The following LIPI variants were observed in gnomAD, a reference collection of about 807,000 sequenced individuals.
LIPI encodes lipase member I.
A neutral mutation model predicts 50.6 loss-of-function variants in LIPI; 59 were observed. The ratio of observed to expected loss-of-function variants is 1.16; its 90% CI spans 0.94 to 1.45. The LOEUF is 1.45. LIPI is among the 40% of genes most tolerant of loss of function. LIPI has a pLI of 0.00. For synonymous variants in LIPI, 203 were observed against 178.2 expected, an observed-to-expected ratio of 1.14 and a Z score of -1.11; for missense variants, 586 against 536.3, an observed-to-expected ratio of 1.09 and a Z score of -0.92.
chr21:14,187,295 T>C (rs569125629), intron 2 of LIPI, among the ~76,000 whole-genome samples: 29 of 152,146 alleles, frequency 1.9e-4, no homozygotes, highest in Non-Finnish European at 3.7e-4. Flanking sequence ...GGACAGATCA[T>C]GGTCCAGCCC....
intron 1 of LIPI, among the ~76,000 whole-genome samples, chr21:14,203,414 G>A (rs1264730650): frequency 1.6e-4 from 24 of 152,092 alleles, no homozygotes; most frequent in Non-Finnish European, 2.9e-4. Context: ...ATTCACAATA[G>A]CAAAGACTTG....
chr21:14,132,322 T>G (rs542669988), intron 9 of LIPI, among the ~76,000 whole-genome samples: 2 of 152,178 alleles, frequency 1.3e-5, no homozygotes, highest in African/African-American at 4.8e-5. Flanking sequence ...GAAATGTATC[T>G]AGTCACCTAT....
chr21:14,165,074 G>A, intron 6 of LIPI, 149 bp downstream of exon 6: 1 of 634,692 alleles, frequency 1.6e-6, no homozygotes, highest in South Asian at 1.8e-5. Flanking sequence ...TATTTACTCT[G>A]TACCACATCT....
At chr21:14,189,503 G>A in intron 1 of LIPI, 84 bp from the exon 2 acceptor site, 2 of 1,200,724 alleles carry the variant, frequency 1.7e-6, no homozygotes, top group Admixed American at 2.0e-5. Flanking sequence ...AATTAAATGT[G>A]GAGGGTAGGG....
chr21:14,170,747 C>T (rs974166396), intron 4 of LIPI, among the ~76,000 whole-genome samples: 1 of 151,194 alleles, frequency 6.6e-6, no homozygotes, highest in Admixed American at 6.6e-5. Context: ...GACAAACCCA[C>T]AGCCAATATC....
chr21:14,136,503 G>T (rs772957277), intron 9 of LIPI, among the ~76,000 whole-genome samples: 20 of 152,196 alleles, frequency 1.3e-4, no homozygotes, highest in Admixed American at 2.6e-4. Context: ...GGAGGGAAGA[G>T]GGGGAATGAC....
At chr21:14,148,724 C>A (rs1340294051) in intron 8 of LIPI, among the ~76,000 whole-genome samples, 1 of 152,138 alleles carries the variant, frequency 6.6e-6, no homozygotes, top group South Asian at 2.1e-4. Context: ...ACAGAATCAC[C>A]TAAATATGCA....
intron 9 of LIPI, among the ~76,000 whole-genome samples, chr21:14,123,984 A>G (rs546911011): frequency 2.0e-4 from 31 of 152,204 alleles, no homozygotes; most frequent in Non-Finnish European, 2.9e-4. Context: ...AGGTTGGCCC[A>G]TGTCCCAGTC....
chr21:14,198,594 C>T (rs768067386), intron 1 of LIPI, among the ~76,000 whole-genome samples: 17 of 152,104 alleles, frequency 1.1e-4, no homozygotes, highest in Non-Finnish European at 1.8e-4. Context: ...GTACCCAACA[C>T]AGGAGCACCC....
intron 4 of LIPI, among the ~76,000 whole-genome samples, chr21:14,172,189 A>G (rs2018937617): frequency 6.6e-6 from 1 of 150,738 alleles, no homozygotes; most frequent in African/African-American, 2.4e-5. Flanking sequence ...ACCAGTTAGA[A>G]TGGCAATCAT....
At chr21:14,186,742 G>C (rs902979249) in intron 2 of LIPI, among the ~76,000 whole-genome samples, 4 of 152,132 alleles carry the variant, frequency 2.6e-5, no homozygotes, top group African/African-American at 4.8e-5. Flanking sequence ...CCTCATGAAA[G>C]GGATTACTGC....
chr21:14,169,704 A>C (rs1055738638), intron 4 of LIPI, among the ~76,000 whole-genome samples: 1 of 152,160 alleles, frequency 6.6e-6, no homozygotes, highest in African/African-American at 2.4e-5. Context: ...CCTGGGACAC[A>C]TTCAAAGCAG....
At chr21:14,172,915 C>A (rs1179927205) in intron 4 of LIPI, among the ~76,000 whole-genome samples, 1 of 151,918 alleles carries the variant, frequency 6.6e-6, no homozygotes, top group Non-Finnish European at 1.5e-5. Flanking sequence ...AAATTCCTTG[C>A]AGTCGAAAAT....
At chr21:14,141,675 C>T (rs11910353) in intron 9 of LIPI, among the ~76,000 whole-genome samples, 1,699 of 152,212 alleles carry the variant, frequency 0.011, 31 homozygotes, top group African/African-American at 0.036. Context: ...GCTTAAATGA[C>T]GAAAGTGGTA....
chr21:14,182,591 C>G (rs2019311265), intron 3 of LIPI, among the ~76,000 whole-genome samples: 1 of 152,142 alleles, frequency 6.6e-6, no homozygotes, highest in Non-Finnish European at 1.5e-5. Context: ...AGAGCCAAAT[C>G]ATGAGTGAAC....
chr21:14,173,933 A>G (rs1468129285), intron 4 of LIPI, among the ~76,000 whole-genome samples: 1 of 152,176 alleles, frequency 6.6e-6, no homozygotes. Flanking sequence ...TTAAAATCCC[A>G]TCATCTTCTT....
At chr21:14,117,556 A>G (rs1200595183) in intron 9 of LIPI, among the ~76,000 whole-genome samples, 1 of 152,184 alleles carries the variant, frequency 6.6e-6, no homozygotes, top group African/African-American at 2.4e-5. Flanking sequence ...ACAAGGAATA[A>G]AGGCTGGAGG....
chr21:14,192,910 A>G (rs1284998437), intron 1 of LIPI, among the ~76,000 whole-genome samples: 1 of 152,244 alleles, frequency 6.6e-6, no homozygotes, highest in East Asian at 1.9e-4. Context: ...ACTAGAAGTC[A>G]TACAAAAATA....
chr21:14,202,654 C>T (rs1448440762), intron 1 of LIPI, among the ~76,000 whole-genome samples: 3 of 152,158 alleles, frequency 2.0e-5, no homozygotes, highest in African/African-American at 2.4e-5. Context: ...AACTGGATCC[C>T]TTCCTCACCC....
Sources: gnomAD v4.1 joint callset for allele counts (sites outside exome capture counted in the v4.1 genomes callset) on GRCh38, gnomAD v4.1.1 for gene constraint, MANE v1.5 for transcripts, NCBI Gene and HGNC (gene_info 2026-07-23, HGNC 2026-07-21) for gene names.